CALN1: variants seen among roughly 807,000 people sequenced by gnomAD.
CALN1 encodes calcium-binding protein 8.
In CALN1, 17 loss-of-function variants were observed where a neutral mutation model predicts 30.6. The ratio of observed to expected loss-of-function variants is 0.56; its 90% CI spans 0.38 to 0.83. CALN1 has a LOEUF of 0.83. Among genes scored for constraint, CALN1 ranks in the 40% least tolerant of loss-of-function variants. CALN1 has a pLI of 0.00. For missense variants in CALN1, 291 were observed against 354.9 expected (o/e 0.82, Z 1.45); for synonymous variants, 156 against 131.4 (o/e 1.19, Z -1.28).
intron 2 of CALN1, among the ~76,000 whole-genome samples, chr7:72,299,672 T>G (rs1242154739): frequency 2.0e-5 from 3 of 150,204 alleles, no homozygotes; most frequent in Non-Finnish European, 3.0e-5. Context: ...ATACAATTTT[T>G]TAAAAGATGC....
chr7:72,288,638 T>C (rs1798264364), intron 2 of CALN1, among the ~76,000 whole-genome samples: 1 of 152,254 alleles, frequency 6.6e-6, no homozygotes, highest in Admixed American at 6.5e-5. Context: ...AACTTGGTAT[T>C]AGCAGACTGT....
the CALN1 span, among the ~76,000 whole-genome samples, chr7:72,476,253 G>A: frequency 5.3e-5 from 8 of 151,982 alleles, no homozygotes; most frequent in Non-Finnish European, 8.8e-5. Flanking sequence ...GACAGCACAT[G>A]CTCTCTTACA....
chr7:72,017,256 T>C (rs1342517345), intron 5 of CALN1, among the ~76,000 whole-genome samples: 2 of 148,482 alleles, frequency 1.3e-5, no homozygotes, highest in Admixed American at 6.7e-5. Flanking sequence ...AGAACTGGGA[T>C]GGAGAGACAA....
At chr7:72,307,549 T>C (rs1180961235) in intron 2 of CALN1, among the ~76,000 whole-genome samples, 1 of 152,204 alleles carries the variant, frequency 6.6e-6, no homozygotes, top group African/African-American at 2.4e-5. Context: ...TCACAGCCTG[T>C]GGCCTCGCAA....
At chr7:71,866,960 C>T (rs764362660) in intron 5 of CALN1, among the ~76,000 whole-genome samples, 1 of 152,010 alleles carries the variant, frequency 6.6e-6, no homozygotes, top group Non-Finnish European at 1.5e-5. Context: ...GTCTGGCCAA[C>T]ATAGTGAAAC....
chr7:72,057,721 G>A (rs1339756069), intron 4 of CALN1, among the ~76,000 whole-genome samples: 1 of 150,374 alleles, frequency 6.7e-6, no homozygotes. Flanking sequence ...GACTTATTGG[G>A]AAAAAAAAAC....
intron 5 of CALN1, among the ~76,000 whole-genome samples, chr7:71,810,917 A>G (rs1474254133): frequency 7.0e-6 from 1 of 141,864 alleles, no homozygotes; most frequent in Non-Finnish European, 1.5e-5. Context: ...TTTTTTTGAG[A>G]TAGAATCTTG....
chr7:72,499,903 TTCTTTCTTTCTATC>T, the CALN1 span, among the ~76,000 whole-genome samples: 2,905 of 54,772 alleles, frequency 0.053, 528 homozygotes, highest in Non-Finnish European at 0.065. Flanking sequence ...CTTTCTTTCT[TTCTTTCTTTCTATC>T]TTTCTCTTTT....
intron 2 of CALN1, among the ~76,000 whole-genome samples, chr7:72,318,523 ATAGT>A (rs1800643336): frequency 6.6e-6 from 1 of 152,056 alleles, no homozygotes; most frequent in Non-Finnish European, 1.5e-5. Context: ...TCTCCACAGT[ATAGT>A]TAGTCCTCCA....
chr7:71,860,483 A>G (rs1411550966), intron 5 of CALN1, among the ~76,000 whole-genome samples: 2 of 152,064 alleles, frequency 1.3e-5, no homozygotes, highest in Non-Finnish European at 2.9e-5. Flanking sequence ...GAGCCACCGC[A>G]CCCAGCCTTG....
rs184938127 is a variant in CALN1, at chr7:71,908,231, C to G, written c.502-97739G>C. Among the ~76,000 whole-genome samples, 9 of 152,238 alleles carry G rather than the reference C, an allele frequency of 5.9e-5. No homozygotes were observed. The East Asian group carries it at 1.7e-3, about 29-fold the overall frequency. On this transcript the variant is annotated intron_variant, in intron 5 of 6. Transcript: ENST00000395275. ...CACCCAAAGTCAACCAATTTTTGGT[C>G]CTCATCTCCCAAAAATCTGAACTCC... is the stretch of plus-strand genomic sequence containing the variant.
At chr7:72,347,897 G>A (rs1802728181) in intron 2 of CALN1, among the ~76,000 whole-genome samples, 1 of 152,164 alleles carries the variant, frequency 6.6e-6, no homozygotes, top group African/African-American at 2.4e-5. Flanking sequence ...GGGAGGCTGA[G>A]GAGGGTGGAT....
Position 72,334,583 on chromosome 7 carries a change from T to C in CALN1, c.120-55773A>G, listed in dbSNP as rs549568972. The stretch of plus-strand genomic sequence containing the variant: ...GTGTCAATCAAGTCTTGCCCATCGT[T>C]TCTCAACAGAAGCAGCTGAATTAAA... On this transcript the variant is annotated intron_variant, in intron 2 of 6. Transcript: ENST00000395275. 2.6e-5 allele frequency among the ~76,000 whole-genome samples: 4 copies of C among 152,158 alleles called. 1 individual carries two copies. The highest frequency in any genetic ancestry group is 9.7e-5 in the African/African-American group (4 of 41,418).
intron 2 of CALN1, among the ~76,000 whole-genome samples, chr7:72,323,182 G>A (rs980820247): frequency 6.6e-6 from 1 of 152,034 alleles, no homozygotes; most frequent in South Asian, 2.1e-4. Flanking sequence ...AGTGTGCTGT[G>A]AGCCTTTGCA....
chr7:71,911,782 T>C (rs962987190), intron 5 of CALN1, among the ~76,000 whole-genome samples: 4 of 152,214 alleles, frequency 2.6e-5, no homozygotes, highest in Non-Finnish European at 4.4e-5. Flanking sequence ...GTACACATTA[T>C]TCTTCCTGCC....
intron 3 of CALN1, among the ~76,000 whole-genome samples, chr7:72,149,528 A>G (rs1191007560): frequency 2.0e-5 from 3 of 152,072 alleles, no homozygotes; most frequent in East Asian, 1.9e-4. Context: ...CCAGCCTCAG[A>G]TATTTCTTTA....
At chr7:72,154,612 C>T (rs1055667778) in intron 3 of CALN1, among the ~76,000 whole-genome samples, 1 of 152,150 alleles carries the variant, frequency 6.6e-6, no homozygotes, top group Non-Finnish European at 1.5e-5. Flanking sequence ...GATATAACCA[C>T]AGAGGGCCTC....
intron 4 of CALN1, among the ~76,000 whole-genome samples, chr7:72,103,681 G>A (rs1806863023): frequency 6.6e-6 from 1 of 152,066 alleles, no homozygotes; most frequent in African/African-American, 2.4e-5. Context: ...GAAGGGCGTG[G>A]ACTAGACAGG....
intron 5 of CALN1, among the ~76,000 whole-genome samples, chr7:71,854,542 A>G (rs1247483578): frequency 6.6e-6 from 1 of 152,220 alleles, no homozygotes; most frequent in African/African-American, 2.4e-5. Flanking sequence ...GGTTACATGC[A>G]TGTTTGTTGT....
Sources: gnomAD v4.1 joint callset for allele counts (sites outside exome capture counted in the v4.1 genomes callset) on GRCh38, gnomAD v4.1.1 for gene constraint, MANE v1.5 for transcripts, NCBI Gene and HGNC (gene_info 2026-07-23, HGNC 2026-07-21) for gene names.